Variants in PARVA observed in about 807,000 individuals in gnomAD.
The protein encoded by PARVA is parvin alpha.
In PARVA, 25 loss-of-function variants were observed where a neutral mutation model predicts 52.6. That is an observed-to-expected ratio of 0.48 (90% confidence interval 0.35 to 0.66). The LOEUF (loss-of-function observed/expected upper bound fraction) is 0.66, where lower values mean the gene tolerates loss of function less well. PARVA is among the 30% of genes least tolerant of loss of function. The pLI, the probability that PARVA is intolerant of heterozygous loss-of-function variation, is 0.01. For synonymous variants in PARVA, 185 were observed against 179.1 expected (o/e 1.03, Z -0.26); for missense variants, 373 against 450.9 (o/e 0.83, Z 1.56).
chr11:12,410,626 C>CA (rs1221295659), intron 1 of PARVA, among the ~76,000 whole-genome samples: 2 of 152,194 alleles, frequency 1.3e-5, no homozygotes, highest in Non-Finnish European at 2.9e-5. Context: ...ATCTCAGCAG[C>CA]AGGAGCCCAG....
intron 4 of PARVA, 33 bp from the exon 5 acceptor site, chr11:12,496,425 A>G (rs1274474513): frequency 5.8e-5 from 92 of 1,594,226 alleles, no homozygotes; most frequent in Non-Finnish European, 7.6e-5. Context: ...GGCCCAGCAT[A>G]ACAGCTGTTC....
chr11:12,377,412 C>T, upstream of PARVA: 3 of 1,369,608 alleles, frequency 2.2e-6, no homozygotes, highest in Non-Finnish European at 2.8e-6. Context: ...TTGGGGCAAC[C>T]CAGGGGCGCA....
At chr11:12,426,414 G>A (rs976856333) in intron 1 of PARVA, among the ~76,000 whole-genome samples, 9 of 152,186 alleles carry the variant, frequency 5.9e-5, no homozygotes, top group Admixed American at 2.0e-4. Context: ...AGTGGCATGG[G>A]GTGAGGCAGG....
intron 1 of PARVA, among the ~76,000 whole-genome samples, chr11:12,382,566 A>G (rs1358633258): frequency 6.6e-6 from 1 of 152,162 alleles, no homozygotes; most frequent in Non-Finnish European, 1.5e-5. Context: ...TTCATGTAAA[A>G]AATGTCCTCC....
chr11:12,495,920 A>T (rs1303996712), intron 4 of PARVA, among the ~76,000 whole-genome samples: 1 of 152,198 alleles, frequency 6.6e-6, no homozygotes, highest in Admixed American at 6.5e-5. Context: ...GTAAAACACA[A>T]CCTGACTTTA....
Position 12,535,203 on chromosome 11 carries a change from A to C in PARVA, c.*7278A>C, listed in dbSNP as rs551018279. Among the ~76,000 whole-genome samples, 3 of 152,230 alleles carry C rather than the reference A, an allele frequency of 2.0e-5. No homozygotes were observed. Among genetic ancestry groups the C allele is most frequent in the Admixed American group, 1.3e-4 (2 of 15,282 alleles). On this transcript the variant is annotated 3_prime_UTR_variant, in exon 13 of 13. Transcript: ENST00000334956. ...TGTGTGTTGTCTAGACCCATGGCCAAGACTGTCATTGCCTGTGAGGGAGAC... is the reference window on the plus strand; with the variant it reads ...TGTGTGTTGTCTAGACCCATGGCCACGACTGTCATTGCCTGTGAGGGAGAC...
At chr11:12,445,421 C>G (rs1474541005) in intron 1 of PARVA, among the ~76,000 whole-genome samples, 1 of 151,996 alleles carries the variant, frequency 6.6e-6, no homozygotes, top group Non-Finnish European at 1.5e-5. Context: ...ACATAAATAC[C>G]CTGATTGTCT....
intron 12 of PARVA, among the ~76,000 whole-genome samples, chr11:12,527,330 G>C (rs139112727): frequency 2.4e-4 from 36 of 152,240 alleles, no homozygotes; most frequent in African/African-American, 7.2e-4. Context: ...GTGAGCGAGA[G>C]AGGGAATGGT....
chr11:12,515,438 C>T (rs531447212), intron 10 of PARVA, among the ~76,000 whole-genome samples: 1 of 152,122 alleles, frequency 6.6e-6, no homozygotes, highest in Non-Finnish European at 1.5e-5. Context: ...CTTGAGTGAG[C>T]TAGAATGGGC....
intron 1 of PARVA, among the ~76,000 whole-genome samples, chr11:12,413,030 G>C (rs11022345): frequency 0.38 from 58,097 of 152,140 alleles, 11,858 homozygotes; most frequent in African/African-American, 0.54. Context: ...GTGTTATTAA[G>C]AGTAATAATA....
intron 1 of PARVA, among the ~76,000 whole-genome samples, chr11:12,438,347 A>G (rs767457864): frequency 2.0e-5 from 3 of 151,710 alleles, no homozygotes; most frequent in Non-Finnish European, 4.4e-5. Flanking sequence ...GAGGGGCTTC[A>G]TCTGGTGAGG....
chr11:12,482,144 G>A (rs1361181525), intron 4 of PARVA, among the ~76,000 whole-genome samples: 24 of 120,272 alleles, frequency 2.0e-4, no homozygotes, highest in Non-Finnish European at 3.0e-4. Context: ...CAGCAAGAAC[G>A]AAACCCTGTC....
At chr11:12,443,634 T>TTA (rs1589959317) in intron 1 of PARVA, among the ~76,000 whole-genome samples, 1 of 152,228 alleles carries the variant, frequency 6.6e-6, no homozygotes, top group East Asian at 1.9e-4. Flanking sequence ...TTCATGCTTT[T>TTA]ATTTTACTGA....
At chr11:12,393,864 T>TG (rs1939698381) in intron 1 of PARVA, among the ~76,000 whole-genome samples, 1 of 152,224 alleles carries the variant, frequency 6.6e-6, no homozygotes, top group Non-Finnish European at 1.5e-5. Context: ...GGCACGCTCC[T>TG]CTACCTTCCT....
chr11:12,468,032 A>T (rs1006150978), intron 1 of PARVA, among the ~76,000 whole-genome samples: 2 of 152,124 alleles, frequency 1.3e-5, no homozygotes, highest in Non-Finnish European at 2.9e-5. Context: ...TGCCTTTTGT[A>T]GTGCACCTGT....
chr11:12,419,630 C>A (rs1241618909), intron 1 of PARVA, among the ~76,000 whole-genome samples: 1 of 152,122 alleles, frequency 6.6e-6, no homozygotes, highest in Non-Finnish European at 1.5e-5. Flanking sequence ...TGAGTGTATG[C>A]AGAAGTTAAA....
intron 12 of PARVA, among the ~76,000 whole-genome samples, chr11:12,523,322 A>C (rs1941662329): frequency 6.6e-6 from 1 of 152,032 alleles, no homozygotes; most frequent in South Asian, 2.1e-4. Flanking sequence ...CCTAGTGGCC[A>C]CCTAACTGAT....
intron 12 of PARVA, among the ~76,000 whole-genome samples, chr11:12,521,264 C>T (rs1353338027): frequency 6.6e-6 from 1 of 152,170 alleles, no homozygotes. Context: ...TTGGGGAAGA[C>T]TTGGTCAGTG....
rs183809826 is a variant in PARVA at position 12,533,972 on chromosome 11, T to A, written c.*6047T>A. Among the ~76,000 whole-genome samples the A allele has an allele frequency of 1.2e-4, 18 of 152,124 alleles. No individual in the cohort carries two copies. Reference sequence around the variant, plus strand: ...TCACAAGGTCAGGAGATTGAGACTATCCTGGCTAATATGGTGAAACCCCGT... The same window carrying A: ...TCACAAGGTCAGGAGATTGAGACTAACCTGGCTAATATGGTGAAACCCCGT... On this transcript the variant is annotated 3_prime_UTR_variant, in exon 13 of 13. Coordinates refer to ENST00000334956, the MANE Select transcript of PARVA (RefSeq NM_018222.5).
Sources: gnomAD v4.1 joint callset for allele counts (sites outside exome capture counted in the v4.1 genomes callset) on GRCh38, gnomAD v4.1.1 for gene constraint, MANE v1.5 for transcripts, NCBI Gene and HGNC (gene_info 2026-07-23, HGNC 2026-07-21) for gene names.